The following AKR1D1 variants were observed in gnomAD, a reference collection of about 807,000 sequenced individuals.
The protein encoded by AKR1D1 is delta(4)-3-ketosteroid 5-beta-reductase.
In AKR1D1, 32 loss-of-function variants were observed where a neutral mutation model predicts 42.6. That is an observed-to-expected ratio of 0.75 (90% confidence interval 0.57 to 1.01). The LOEUF (loss-of-function observed/expected upper bound fraction) is 1.01. Among genes scored for constraint, AKR1D1 ranks in the 50% least tolerant of loss-of-function variants. The probability of loss-of-function intolerance (pLI) is 0.00; values close to 1 mark genes in which losing one functional copy is unlikely to be tolerated. For synonymous variants in AKR1D1, 123 were observed against 135.5 expected (o/e 0.91, Z 0.64); for missense variants, 364 against 402.2 (o/e 0.91, Z 0.81).
Position 138,076,629 on chromosome 7 carries a change from C to G in AKR1D1, c.93+18C>G. 2.5e-6 allele frequency: 4 copies of G among 1,583,708 alleles called. No homozygotes were observed. The highest frequency in any genetic ancestry group is 1.3e-5 in the African/African-American group (1 of 74,314). ...CTAAATCGGTAAGCTTATTTTTTCT[C>G]TCTTTGCTTGCTTGTTTGTTTCTTT... On this transcript the variant is annotated intron_variant, in intron 1 of 8. Coordinates refer to ENST00000242375, the MANE Select transcript of AKR1D1 (RefSeq NM_005989.4).
chr7:138,077,032 C>A (rs1038880137), intron 1 of AKR1D1, among the ~76,000 whole-genome samples: 3 of 152,090 alleles, frequency 2.0e-5, no homozygotes, highest in Non-Finnish European at 2.9e-5. Flanking sequence ...ATGAGGAAAA[C>A]AATGTCTCTG....
intron 8 of AKR1D1, among the ~76,000 whole-genome samples, chr7:138,115,221 T>G (rs540081925): frequency 6.6e-6 from 1 of 152,222 alleles, no homozygotes; most frequent in African/African-American, 2.4e-5. Context: ...GATAGGAGAA[T>G]CACTTGATGC....
chr7:138,109,523 A>G (rs1465617482), intron 7 of AKR1D1, among the ~76,000 whole-genome samples: 1 of 152,034 alleles, frequency 6.6e-6, no homozygotes, highest in Non-Finnish European at 1.5e-5. Context: ...CCCTCATATT[A>G]CCCACTGTGG....
intron 4 of AKR1D1, among the ~76,000 whole-genome samples, chr7:138,104,558 G>A (rs1390170505): frequency 2.6e-5 from 4 of 151,862 alleles, no homozygotes; most frequent in African/African-American, 7.3e-5. Flanking sequence ...CTAGCCGGGC[G>A]TGGTGGTGCA....
chr7:138,105,529 C>T (rs1794406200), intron 5 of AKR1D1, 100 bp downstream of exon 5: 2 of 1,511,066 alleles, frequency 1.3e-6, no homozygotes, highest in East Asian at 4.5e-5. Context: ...CATGATTGCT[C>T]CACCTAAATC....
chr7:138,083,843 T>A (rs1414305073), intron 1 of AKR1D1, among the ~76,000 whole-genome samples: 1 of 152,210 alleles, frequency 6.6e-6, no homozygotes, highest in African/African-American at 2.4e-5. Flanking sequence ...GGCTCTCAGT[T>A]GTTTCTACCA....
At chr7:138,107,183 T>G (rs1244627203) in intron 6 of AKR1D1, 1 of 675,516 alleles carries the variant, frequency 1.5e-6, no homozygotes. Context: ...CAAAAAATAT[T>G]ATTTACCCTC....
At chr7:138,111,223 T>G (rs1794530317) in intron 7 of AKR1D1, among the ~76,000 whole-genome samples, 2 of 152,342 alleles carry the variant, frequency 1.3e-5, no homozygotes, top group South Asian at 4.1e-4. Flanking sequence ...CATTCACATA[T>G]GTAGTAACCT....
chr7:138,079,536 C>T (rs1361208017), intron 1 of AKR1D1, among the ~76,000 whole-genome samples: 1 of 152,162 alleles, frequency 6.6e-6, no homozygotes, highest in Admixed American at 6.6e-5. Flanking sequence ...TCCTCCAGTA[C>T]AGCCAATCAT....
Position 138,116,964 on chromosome 7 carries a change from G to A in AKR1D1, c.*302G>A, listed in dbSNP as rs1280866198. 2 of 354,224 alleles carry A rather than the reference G, an allele frequency of 5.6e-6. No homozygotes were observed. Among genetic ancestry groups the A allele is most frequent in the South Asian group, 4.5e-5 (1 of 22,336 alleles). 21.9% of individuals were successfully genotyped at this position (354,224 alleles called of 1,614,324 possible). A position where few individuals can be genotyped will look rare whatever the true frequency, so the allele number is the denominator to read the frequency against. On this transcript the variant is annotated 3_prime_UTR_variant, in exon 9 of 9. Coordinates refer to ENST00000242375, the MANE Select transcript of AKR1D1 (RefSeq NM_005989.4). ...AGAAAAGACATCAAAGGCAACATAT[G>A]ACAACAAGTAATTTATGAATCTGGG...
At chr7:138,093,551 G>A (rs779010259) in intron 3 of AKR1D1, among the ~76,000 whole-genome samples, 4 of 152,038 alleles carry the variant, frequency 2.6e-5, no homozygotes, top group Admixed American at 6.6e-5. Flanking sequence ...TCCACATCTC[G>A]TCCCACTGGA....
At chr7:138,109,917 A>C (rs143166267) in intron 7 of AKR1D1, among the ~76,000 whole-genome samples, 253 of 152,336 alleles carry the variant, frequency 1.7e-3, no homozygotes, top group African/African-American at 5.4e-3. Context: ...ATTTTGTACC[A>C]GAGAAAATGC....
At chr7:138,111,460 A>T (rs1158345924) in intron 7 of AKR1D1, among the ~76,000 whole-genome samples, 1 of 152,220 alleles carries the variant, frequency 6.6e-6, no homozygotes, top group East Asian at 1.9e-4. Context: ...AGATCCAGTA[A>T]TTCTCAGTCC....
At chr7:138,113,480 G>C (rs1245551019) in intron 7 of AKR1D1, among the ~76,000 whole-genome samples, 2 of 152,148 alleles carry the variant, frequency 1.3e-5, no homozygotes, top group Non-Finnish European at 2.9e-5. Flanking sequence ...GGAATTTCTT[G>C]TAAGATGTCC....
At chr7:138,089,569 G>A (rs1484541754) in intron 2 of AKR1D1, among the ~76,000 whole-genome samples, 2 of 151,998 alleles carry the variant, frequency 1.3e-5, no homozygotes, top group Non-Finnish European at 2.9e-5. Context: ...TATGATAGAG[G>A]CTAAAGTTAG....
chr7:138,100,649 A>G (rs1295590922), intron 4 of AKR1D1, among the ~76,000 whole-genome samples: 2 of 151,630 alleles, frequency 1.3e-5, no homozygotes, highest in African/African-American at 4.8e-5. Context: ...AGCATCATCT[A>G]AGAGAACCGA....
chr7:138,077,376 A>T (rs886106416), intron 1 of AKR1D1, among the ~76,000 whole-genome samples: 4 of 152,174 alleles, frequency 2.6e-5, no homozygotes, highest in African/African-American at 7.2e-5. Flanking sequence ...TTATAAAACC[A>T]TCAAATGTCA....
chr7:138,113,943 C>T (rs1404288436), intron 8 of AKR1D1, among the ~76,000 whole-genome samples, 171 bp downstream of exon 8: 1 of 152,206 alleles, frequency 6.6e-6, no homozygotes, highest in East Asian at 1.9e-4. Flanking sequence ...CACTACAGGG[C>T]CTTCCACAAC....
At chr7:138,111,826 G>A (rs1794542439) in intron 7 of AKR1D1, among the ~76,000 whole-genome samples, 1 of 152,108 alleles carries the variant, frequency 6.6e-6, no homozygotes. Context: ...AAGAAACAGT[G>A]AATCAGTGTT....
Sources: allele counts gnomAD v4.1 joint callset (sites outside exome capture counted in the v4.1 genomes callset), GRCh38; gene constraint gnomAD v4.1.1; transcripts MANE v1.5; gene names NCBI Gene and HGNC (gene_info 2026-07-23, HGNC 2026-07-21).